Variants in PPIP5K2 observed in about 807,000 individuals in gnomAD.
The protein encoded by PPIP5K2 is diphosphoinositol pentakisphosphate kinase 2.
In PPIP5K2, 105 loss-of-function variants were observed where a neutral mutation model predicts 154.6. The observed-to-expected ratio is 0.68, with a 90% CI of 0.58 to 0.80. PPIP5K2 has a LOEUF of 0.80. Among genes scored for constraint, PPIP5K2 ranks in the 30% least tolerant of loss-of-function variants. The probability of loss-of-function intolerance (pLI) is 0.00; values close to 1 mark genes in which losing one functional copy is unlikely to be tolerated. For missense variants in PPIP5K2, 992 were observed against 1,504.6 expected, an observed-to-expected ratio of 0.66 and a Z score of 5.64; for synonymous variants, 480 against 490.3, an observed-to-expected ratio of 0.98 and a Z score of 0.28.
At position 103,168,028 on chromosome 5, in the gene PPIP5K2, C is replaced by A. The variant is rs781928471; in HGVS notation, c.2063-44C>A. ...TAACATATTAATATATATTCTAAAT[C>A]AGATTTTTAAGTTGCATAAACTAAA... On this transcript the variant is annotated intron_variant, in intron 18 of 30. Coordinates refer to ENST00000358359, the MANE Select transcript of PPIP5K2 (RefSeq NM_001276277.3). The A allele has an allele frequency of 1.8e-5, 22 of 1,228,890 alleles. No homozygotes were observed. In the African/African-American group the frequency reaches 3.2e-4, roughly 18 times the overall value. The allele number at this position is 1,228,890 out of a possible 1,614,324, so 76.1% of individuals were successfully genotyped here.
chr5:103,208,267 T>A lies in PPIP5K2; in HGVS notation c.*6633T>A, dbSNP rs996622816. 33 of 152,218 alleles carry A rather than the reference T, an allele frequency of 2.2e-4. No individual in the cohort carries two copies. Among genetic ancestry groups the A allele is most frequent in the African/African-American group, 7.5e-4 (31 of 41,404 alleles). The allele number at this position is 152,218 out of a possible 1,614,324, so 9.4% of individuals were successfully genotyped here. ...CACCACGCCTGGCTAATTTTTGCAT[T>A]TTTAGTAGAGACTGGGTTTCACCAT... On this transcript the variant is annotated 3_prime_UTR_variant, in exon 31 of 31. Transcript: ENST00000358359.
chr5:103,174,748 T>A (rs1349409088), intron 21 of PPIP5K2, among the ~76,000 whole-genome samples: 4 of 152,078 alleles, frequency 2.6e-5, no homozygotes, highest in African/African-American at 9.7e-5. Context: ...CAGAGGTTCA[T>A]CCAGGTTCAG....
intron 17 of PPIP5K2, among the ~76,000 whole-genome samples, chr5:103,165,431 A>G (rs1385232366): frequency 6.6e-6 from 1 of 151,730 alleles, no homozygotes; most frequent in African/African-American, 2.4e-5. Context: ...ATTATGAAAA[A>G]ACTATACACA....
chr5:103,207,498 C>T lies in PPIP5K2; in HGVS notation c.*5864C>T, dbSNP rs1228478649. On this transcript the variant is annotated 3_prime_UTR_variant, in exon 31 of 31. Transcript: ENST00000358359. ...TATACTACACTTGCATTATGTTATTCACATTTGCTATAGTTCACTTGTTGT... is the reference window on the plus strand; with the variant it reads ...TATACTACACTTGCATTATGTTATTTACATTTGCTATAGTTCACTTGTTGT... The T allele has an allele frequency of 6.6e-6, 1 of 152,096 alleles. No homozygotes were observed. Among genetic ancestry groups the T allele is most frequent in the Non-Finnish European group, 1.5e-5 (1 of 68,012 alleles). 9.4% of individuals were successfully genotyped at this position (152,096 alleles called of 1,614,324 possible). A position where few individuals can be genotyped will look rare whatever the true frequency, so the allele number is the denominator to read the frequency against.
chr5:103,147,768 G>C (rs1306666298), intron 6 of PPIP5K2, among the ~76,000 whole-genome samples, 163 bp from the exon 7 acceptor site: 1 of 151,930 alleles, frequency 6.6e-6, no homozygotes, highest in Non-Finnish European at 1.5e-5. Context: ...GACTACTATA[G>C]TGCCAAGTAT....
intron 1 of PPIP5K2, among the ~76,000 whole-genome samples, chr5:103,127,340 C>G (rs1554201075): frequency 6.6e-6 from 1 of 151,454 alleles, no homozygotes; most frequent in East Asian, 1.9e-4. Flanking sequence ...TTACATGTTT[C>G]TATTATCTTT....
intron 5 of PPIP5K2, among the ~76,000 whole-genome samples, chr5:103,142,326 G>A (rs1217089870): frequency 6.6e-6 from 1 of 152,210 alleles, no homozygotes; most frequent in East Asian, 1.9e-4. Flanking sequence ...TGCTCCGAGT[G>A]CGGGGCCCGC....
At chr5:103,133,720 CTA>C in intron 3 of PPIP5K2, 72 bp downstream of exon 3, 1 of 1,243,152 alleles carries the variant, frequency 8.0e-7, no homozygotes, top group Non-Finnish European at 1.1e-6. Flanking sequence ...TAATTGTAGA[CTA>C]TGAGATAAAA....
chr5:103,134,093 C>T (rs1401992362), intron 3 of PPIP5K2, among the ~76,000 whole-genome samples: 3 of 152,070 alleles, frequency 2.0e-5, no homozygotes, highest in Non-Finnish European at 4.4e-5. Context: ...TTTCTTAGGA[C>T]AAGTTCTTGA....
chr5:103,180,340 T>C, intron 24 of PPIP5K2, 152 bp downstream of exon 24: 1 of 547,464 alleles, frequency 1.8e-6, no homozygotes, highest in Non-Finnish European at 2.8e-6. Flanking sequence ...TTACAAAAAA[T>C]ATAGAGGCAG....
At chr5:103,160,480 ATAGT>A (rs1470526500) in intron 17 of PPIP5K2, among the ~76,000 whole-genome samples, 2 of 152,140 alleles carry the variant, frequency 1.3e-5, no homozygotes, top group Non-Finnish European at 2.9e-5. Context: ...AGTAATGGTC[ATAGT>A]TAGTTAATAA....
intron 21 of PPIP5K2, among the ~76,000 whole-genome samples, chr5:103,175,260 G>A (rs1364556275): frequency 1.3e-5 from 2 of 151,862 alleles, no homozygotes; most frequent in Non-Finnish European, 2.9e-5. Context: ...TGATCCTAAG[G>A]GTGTTTCAAA....
At chr5:103,194,032 C>A (rs1341492391) in intron 29 of PPIP5K2, among the ~76,000 whole-genome samples, 2 of 152,134 alleles carry the variant, frequency 1.3e-5, no homozygotes, top group Non-Finnish European at 2.9e-5. Context: ...AAAATAGTAT[C>A]TTTTATTACT....
Position 103,125,469 on chromosome 5 carries a change from T to A in PPIP5K2, c.-284-3837T>A, listed in dbSNP as rs184927846. On this transcript the variant is annotated intron_variant, in intron 1 of 30. Coordinates refer to ENST00000358359, the MANE Select transcript of PPIP5K2 (RefSeq NM_001276277.3). The stretch of plus-strand genomic sequence containing the variant: ...ACTAGCCTGTTCAGTTTTTTTTTTT[T>A]TATATGACATCTCTAAGTATCTCTC... 4.0e-5 allele frequency among the ~76,000 whole-genome samples: 6 copies of A among 151,862 alleles called. No homozygotes were observed. The East Asian group carries it at 1.2e-3, about 29-fold the overall frequency.
rs1412729967 is a variant in PPIP5K2 at position 103,196,803 on chromosome 5, A to G, written c.3619+1778A>G. On this transcript the variant is annotated intron_variant, in intron 30 of 30. Coordinates refer to ENST00000358359, the MANE Select transcript of PPIP5K2 (RefSeq NM_001276277.3). ...GATGAACTCTACTCAGTTATGATAT[A>G]TTATATATATGAAGGTCTATAAAAT... Among the ~76,000 whole-genome samples the G allele has an allele frequency of 2.0e-5, 3 of 152,140 alleles. No individual in the cohort carries two copies. In the East Asian group the frequency reaches 5.8e-4, roughly 29 times the overall value.
chr5:103,168,159 G>C lies in PPIP5K2; in HGVS notation c.2150G>C (p.Arg717Thr). The C allele has an allele frequency of 6.2e-7, 1 of 1,609,106 alleles. No homozygotes were observed. The highest frequency in any genetic ancestry group is 8.5e-7 in the Non-Finnish European group (1 of 1,176,320). The change falls in exon 19 of 31, where the codon AGA (arginine) becomes ACA (threonine). Residue 717 changes from arginine to threonine, a missense_variant. Coordinates refer to ENST00000358359, the MANE Select transcript of PPIP5K2 (RefSeq NM_001276277.3). The stretch of plus-strand genomic sequence containing the variant: ...AAAGACTTTAAAACAAAGAATGGAA[G>C]ATATGATATTAGTAAAATCCCTGAC... Reference protein sequence around the residue: ...LEKDFKTKNGRYDISKIPDIY... With the variant: ...LEKDFKTKNGTYDISKIPDIY...
Position 103,161,546 on chromosome 5 carries a change from CA to C in PPIP5K2, c.1920+2220del, listed in dbSNP as rs1796242159. ...TGAGGAATCGCCATACTGTCTTCCA[CA>C]ATGGTTGAACTAGTTTACAGTCCCA... On this transcript the variant is annotated intron_variant, in intron 17 of 30. Transcript: ENST00000358359. Among the ~76,000 whole-genome samples the C allele has an allele frequency of 2.0e-5, 3 of 152,318 alleles. No individual in the cohort carries two copies. In the South Asian group the frequency reaches 6.2e-4, roughly 32 times the overall value.
Position 103,173,969 on chromosome 5 carries a change from C to T in PPIP5K2, c.2526C>T (p.Cys842=). 1 of 1,555,948 alleles carries T rather than the reference C, an allele frequency of 6.4e-7. No individual in the cohort carries two copies. The highest frequency in any genetic ancestry group is 8.8e-7 in the Non-Finnish European group (1 of 1,133,956). Residue 842 remains cysteine (C), a synonymous_variant, in exon 21 of 31, where the codon TGC becomes TGT. Transcript: ENST00000358359. Reference sequence around the variant, plus strand: ...CTATTCTTCGCTATGGTGCCTTATGCAATGTAAGTAGAATAAGTTATTTCA... The same window carrying T: ...CTATTCTTCGCTATGGTGCCTTATGTAATGTAAGTAGAATAAGTTATTTCA... ...LLSILRYGAL[C]NESKDEQWKR...
intron 19 of PPIP5K2, among the ~76,000 whole-genome samples, chr5:103,170,657 GA>G (rs1314470591): frequency 2.0e-4 from 29 of 148,510 alleles, no homozygotes; most frequent in Admixed American, 1.6e-3. Context: ...AGAAACTTTG[GA>G]TTTTTTTTTT....
Sources: gnomAD v4.1 joint callset for allele counts (sites outside exome capture counted in the v4.1 genomes callset) on GRCh38, gnomAD v4.1.1 for gene constraint, MANE v1.5 for transcripts, NCBI Gene and HGNC (gene_info 2026-07-23, HGNC 2026-07-21) for gene names.